IQSEC3: variants seen among roughly 807,000 people sequenced by gnomAD.
IQSEC3 encodes the protein IQ motif and Sec7 domain ArfGEF 3, also known as IQ motif and SEC7 domain-containing protein 3.
In IQSEC3, 50 loss-of-function variants were observed where a neutral mutation model predicts 105.4. The ratio of observed to expected loss-of-function variants is 0.47; its 90% CI spans 0.38 to 0.60. The LOEUF (loss-of-function observed/expected upper bound fraction) is 0.60, where lower values mean the gene tolerates loss of function less well. Ranked by LOEUF, IQSEC3 falls within the 20% of genes least tolerant of loss-of-function variation. The probability of loss-of-function intolerance (pLI) is 0.00; values close to 1 mark genes in which losing one functional copy is unlikely to be tolerated. For missense variants in IQSEC3, 1,415 were observed against 1,630.0 expected (o/e 0.87, Z 2.27); for synonymous variants, 708 against 746.0 (o/e 0.95, Z 0.83).
intron 8 of IQSEC3, 66 bp from the exon 9 acceptor site, chr12:163,428 G>T: frequency 7.3e-7 from 1 of 1,371,830 alleles, no homozygotes. Flanking sequence ...TCTGGAAAAT[G>T]GGCGCGTGGG....
rs782103718 is a variant in IQSEC3, at chr12:168,963, T to G, written c.2972-50T>G. 3.4e-6 allele frequency: 5 copies of G among 1,485,994 alleles called. No homozygotes were observed. The East Asian group carries it at 6.8e-5, about 20-fold the overall frequency. 92.1% of individuals were successfully genotyped at this position (1,485,994 alleles called of 1,614,324 possible). A position where few individuals can be genotyped will look rare whatever the true frequency, so the allele number is the denominator to read the frequency against. On this transcript the variant is annotated intron_variant, in intron 11 of 13. Transcript: ENST00000538872. Reference sequence around the variant, plus strand: ...CCCCTCATTTCCTGCCTCGCCTCTGTGTGGTTGAGGTTAAGGTTTCTCTTG... The same window carrying G: ...CCCCTCATTTCCTGCCTCGCCTCTGGGTGGTTGAGGTTAAGGTTTCTCTTG...
chr12:115,279 C>G (rs1865012993), intron 2 of IQSEC3, among the ~76,000 whole-genome samples: 1 of 152,130 alleles, frequency 6.6e-6, no homozygotes, highest in Non-Finnish European at 1.5e-5. Flanking sequence ...GCTGTTCTTC[C>G]CTGGAAATAG....
Position 149,385 on chromosome 12 carries a change from T to G in IQSEC3, c.2154-7640T>G, listed in dbSNP as rs143440932. ...TGGAGTCTGGAAGCCTCGGGGCCAT[T>G]TGCAAGTCCATCACAGGTCTCGGTG... On this transcript the variant is annotated intron_variant, in intron 5 of 13. Transcript: ENST00000538872. Among the ~76,000 whole-genome samples, 184 of 152,168 alleles carry G rather than the reference T, an allele frequency of 1.2e-3. 3 individuals are homozygous for G. In the East Asian group the frequency reaches 0.03, roughly 25 times the overall value.
At chr12:87,097 A>G (rs1863940942) in intron 1 of IQSEC3, among the ~76,000 whole-genome samples, 1 of 151,876 alleles carries the variant, frequency 6.6e-6, no homozygotes, top group African/African-American at 2.4e-5. Flanking sequence ...AACAAAACAG[A>G]TCTCTGTTTT....
chr12:92,001 C>T (rs1009576207), intron 1 of IQSEC3, among the ~76,000 whole-genome samples: 2 of 152,092 alleles, frequency 1.3e-5, no homozygotes, highest in African/African-American at 4.8e-5. Context: ...AAGCTCCTGC[C>T]CAGCCCAGCC....
chr12:136,840 G>A (rs1308663391), intron 3 of IQSEC3, among the ~76,000 whole-genome samples: 1 of 152,152 alleles, frequency 6.6e-6, no homozygotes, highest in Non-Finnish European at 1.5e-5. Context: ...TTTAAAGGCA[G>A]AAGCCTCTGG....
At chr12:129,676 G>C (rs576898042) in intron 3 of IQSEC3, among the ~76,000 whole-genome samples, 1 of 152,222 alleles carries the variant, frequency 6.6e-6, no homozygotes, top group East Asian at 1.9e-4. Flanking sequence ...GTTGCAGAGC[G>C]ACTGGAGCCC....
Position 67,317 on chromosome 12 carries a change from A to T in IQSEC3, c.435A>T (p.Gln145His). The change falls in exon 1 of 14, where the codon CAA becomes CAT. Residue 145 changes from glutamine (Q) to histidine (H), a missense_variant. Physicochemically the swap from Gln to His is conservative, Grantham distance 24. This residue lies in a region of IQSEC3 where 26 missense variants were observed against 108.1 expected (regional missense o/e 0.24). Coordinates refer to ENST00000538872, the MANE Select transcript of IQSEC3 (RefSeq NM_001170738.2). ...PQSPHKHLGT[Q>H]GAVTDKEKER... ...CGCCCCACAAGCATCTGGGGACACA[A>T]GGGGCCGTGACTGACAAGGAGAAGG... The T allele has an allele frequency of 1.3e-6, 2 of 1,598,444 alleles. No homozygotes were observed. The highest frequency in any genetic ancestry group is 1.7e-6 in the Non-Finnish European group (2 of 1,179,584).
intron 1 of IQSEC3, among the ~76,000 whole-genome samples, chr12:94,185 T>A (rs1864177452): frequency 6.6e-6 from 1 of 152,208 alleles, no homozygotes; most frequent in African/African-American, 2.4e-5. Flanking sequence ...GGCACTGATG[T>A]AGGCACTAGG....
rs192636798 is a variant in IQSEC3, at chr12:97,932, C to T, written c.555-1214C>T. On this transcript the variant is annotated intron_variant, in intron 1 of 13. Transcript: ENST00000538872. ...GTGCCTGGGAGGTGGCTACCAAATT[C>T]GGGGCTAGGAGGTCTGGGGAAGTGG... Among the ~76,000 whole-genome samples the T allele has an allele frequency of 4.4e-3, 670 of 152,320 alleles. 4 individuals are homozygous for T. Among genetic ancestry groups the T allele is most frequent in the African/African-American group, 0.014 (576 of 41,586 alleles).
intron 11 of IQSEC3, 124 bp from the exon 12 acceptor site, chr12:168,889 T>C: frequency 1.2e-6 from 1 of 809,618 alleles, no homozygotes; most frequent in South Asian, 1.6e-5. Flanking sequence ...GGTCCGTGTT[T>C]CACAGCATGT....
rs1472753777 is a variant in IQSEC3 at position 97,783 on chromosome 12, G to A, written c.555-1363G>A. 2.6e-5 allele frequency among the ~76,000 whole-genome samples: 4 copies of A among 152,192 alleles called. No individual in the cohort carries two copies. The East Asian group carries it at 7.7e-4, about 29-fold the overall frequency. On this transcript the variant is annotated intron_variant, in intron 1 of 13. Coordinates refer to ENST00000538872, the MANE Select transcript of IQSEC3 (RefSeq NM_001170738.2). Reference sequence around the variant, plus strand: ...ACTGCACTCCAGCCTGGGCAACACAGCAAAGCCCTGTCTCTAAAATAACAA... The same window carrying A: ...ACTGCACTCCAGCCTGGGCAACACAACAAAGCCCTGTCTCTAAAATAACAA...
chr12:125,776 G>A lies in IQSEC3; in HGVS notation c.767G>A (p.Gly256Glu), dbSNP rs1865371642. ...LQEEEERPGA[G>E]AASPRAGPQH... ...GAGGAGGAGGAGCGGCCGGGGGCAG[G>A]GGCTGCCTCCCCAAGGGCTGGCCCC... Residue 256 changes from glycine to glutamate, a missense_variant, in exon 3 of 14, where the codon GGG becomes GAG. Coordinates refer to ENST00000538872, the MANE Select transcript of IQSEC3 (RefSeq NM_001170738.2). 1 of 1,514,276 alleles carries A rather than the reference G, an allele frequency of 6.6e-7. No homozygotes were observed. Among genetic ancestry groups the A allele is most frequent in the Admixed American group, 2.1e-5 (1 of 47,984 alleles). 93.8% of individuals were successfully genotyped at this position (1,514,276 alleles called of 1,614,324 possible). A position where few individuals can be genotyped will look rare whatever the true frequency, so the allele number is the denominator to read the frequency against.
At chr12:116,550 A>G (rs1555080667) in intron 2 of IQSEC3, among the ~76,000 whole-genome samples, 3 of 152,180 alleles carry the variant, frequency 2.0e-5, no homozygotes, top group African/African-American at 7.2e-5. Context: ...GAGTAACTCC[A>G]TTTTGTTTTC....
At chr12:99,499 C>A (rs142841105) in intron 2 of IQSEC3, among the ~76,000 whole-genome samples, 3 of 152,192 alleles carry the variant, frequency 2.0e-5, no homozygotes, top group African/African-American at 7.2e-5. Context: ...TGTAAGCAGC[C>A]GGGAAAGTTG....
chr12:86,100 A>G (rs1426189119), intron 1 of IQSEC3, among the ~76,000 whole-genome samples: 1 of 152,230 alleles, frequency 6.6e-6, no homozygotes, highest in Non-Finnish European at 1.5e-5. Context: ...GTATATAAAC[A>G]TCAGTGATAC....
At chr12:82,808 A>T (rs1555071003) in intron 1 of IQSEC3, among the ~76,000 whole-genome samples, 1 of 152,230 alleles carries the variant, frequency 6.6e-6, no homozygotes, top group Non-Finnish European at 1.5e-5. Flanking sequence ...CCTGGCAGGC[A>T]GTGCTCCTAG....
At chr12:158,786 G>A (rs1340177917) in intron 7 of IQSEC3, among the ~76,000 whole-genome samples, 5 of 152,128 alleles carry the variant, frequency 3.3e-5, no homozygotes, top group African/African-American at 9.7e-5. Flanking sequence ...AGCCTCCCAA[G>A]TAGCCGGGAT....
chr12:143,466 A>C (rs556294859), intron 5 of IQSEC3: 1 of 152,968 alleles, frequency 6.5e-6, no homozygotes, highest in African/African-American at 2.4e-5. Context: ...AGTCCTGAGA[A>C]TCTACCACCT....
Sources: allele counts gnomAD v4.1 joint callset (sites outside exome capture counted in the v4.1 genomes callset), GRCh38; gene constraint gnomAD v4.1.1; regional missense constraint gnomAD v4.1.1; transcripts MANE v1.5; gene names NCBI Gene and HGNC (gene_info 2026-07-23, HGNC 2026-07-21).